PSPH: variants seen among roughly 807,000 people sequenced by gnomAD.
The protein encoded by PSPH is phosphoserine phosphatase, also known as L-3-phosphoserine phosphatase.
A neutral mutation model predicts 23.4 loss-of-function variants in PSPH; 16 were observed. The observed-to-expected ratio is 0.68, with a 90% CI of 0.46 to 1.04. The LOEUF is 1.04. Ranked by LOEUF, PSPH falls within the 50% of genes least tolerant of loss-of-function variation. PSPH has a pLI of 0.00. For synonymous variants in PSPH, 68 were observed against 99.7 expected, an observed-to-expected ratio of 0.68 and a Z score of 1.89; for missense variants, 223 against 273.7, an observed-to-expected ratio of 0.81 and a Z score of 1.31.
At chr7:56,023,840 G>C (rs975040706) in intron 3 of PSPH, among the ~76,000 whole-genome samples, 9 of 152,122 alleles carry the variant, frequency 5.9e-5, no homozygotes, top group Non-Finnish European at 2.9e-5. Context: ...GCAAACTATA[G>C]CTTGTAGGCC....
chr7:56,019,944 A>G (rs534581802), intron 4 of PSPH: 6 of 671,296 alleles, frequency 8.9e-6, no homozygotes, highest in Non-Finnish European at 1.6e-5. Flanking sequence ...GGCTGGGTGC[A>G]GTGACTCATG....
chr7:56,037,398 T>C (rs1196102458), intron 1 of PSPH, among the ~76,000 whole-genome samples: 1 of 151,750 alleles, frequency 6.6e-6, no homozygotes, highest in South Asian at 2.1e-4. Context: ...GTCATACTAC[T>C]GTTCCGGAAA....
chr7:56,030,301 G>A (rs1790787366), intron 3 of PSPH, among the ~76,000 whole-genome samples: 2 of 151,842 alleles, frequency 1.3e-5, no homozygotes, highest in Admixed American at 1.3e-4. Context: ...GTGGAGATGG[G>A]GTTTCACCAT....
At chr7:56,013,156 TACACACACACACACACAC>T (rs34329610) in intron 7 of PSPH, among the ~76,000 whole-genome samples, 1 of 142,098 alleles carries the variant, frequency 7.0e-6, no homozygotes, top group Non-Finnish European at 1.5e-5. Flanking sequence ...TGTATGTGTA[TACACACACACACACACAC>T]ACACACACAC....
intron 1 of PSPH, among the ~76,000 whole-genome samples, chr7:56,048,076 C>T (rs570596704): frequency 8.3e-4 from 126 of 152,120 alleles, no homozygotes; most frequent in African/African-American, 2.9e-3. Flanking sequence ...GTCAGGAGTT[C>T]AAAACCAGCC....
chr7:56,030,156 C>A (rs1790770649), intron 3 of PSPH, among the ~76,000 whole-genome samples: 1 of 151,964 alleles, frequency 6.6e-6, no homozygotes, highest in East Asian at 1.9e-4. Context: ...GTCACTCAGG[C>A]CGGAGTGCAG....
At chr7:56,020,264 C>A (rs796701789) in intron 4 of PSPH, among the ~76,000 whole-genome samples, 313 of 100,332 alleles carry the variant, frequency 3.1e-3, no homozygotes, top group African/African-American at 0.018. Context: ...ATTTTTCTTG[C>A]AAGCTGTGAG....
chr7:56,021,402 ACCAGTTT>A (rs1420638672), intron 3 of PSPH, among the ~76,000 whole-genome samples, 171 bp from the exon 4 acceptor site: 1 of 94,822 alleles, frequency 1.1e-5, no homozygotes, highest in African/African-American at 7.3e-5. Context: ...CCCACACTAC[ACCAGTTT>A]CTTCTTTCTT....
intron 3 of PSPH, among the ~76,000 whole-genome samples, chr7:56,030,385 C>G (rs1310464770): frequency 6.6e-6 from 1 of 151,842 alleles, no homozygotes; most frequent in East Asian, 1.9e-4. Context: ...GCTGGGAGCT[C>G]ACCTCGGCCT....
chr7:56,031,080 G>A (rs559078729), intron 3 of PSPH, among the ~76,000 whole-genome samples: 376 of 151,264 alleles, frequency 2.5e-3, no homozygotes, highest in African/African-American at 8.7e-3. Context: ...GCGCGGTGGC[G>A]GGCGCCTGTA....
chr7:56,034,856 A>T (rs1325508221), intron 1 of PSPH, among the ~76,000 whole-genome samples: 1 of 151,962 alleles, frequency 6.6e-6, no homozygotes, highest in African/African-American at 2.4e-5. Context: ...ACCATGAGTA[A>T]CAAAATGAGA....
At chr7:56,011,964 G>A in intron 7 of PSPH, 95 bp from the exon 8 acceptor site, 3 of 980,512 alleles carry the variant, frequency 3.1e-6, no homozygotes, top group Non-Finnish European at 4.6e-6. Context: ...GGAGTGCAGT[G>A]ACACAATCTC....
rs375443503 is a variant in PSPH, at chr7:56,023,992, T to C, written c.-19-2761A>G. On this transcript the variant is annotated intron_variant, in intron 3 of 7. Transcript: ENST00000275605. Reference sequence around the variant, plus strand: ...CCCAGGCTGGAGTGCAGTGGCGCGATCTCCGCTCACTGCAAGCTCCACCTC... The same window carrying C: ...CCCAGGCTGGAGTGCAGTGGCGCGACCTCCGCTCACTGCAAGCTCCACCTC... 4.1e-4 allele frequency among the ~76,000 whole-genome samples: 62 copies of C among 152,050 alleles called. 2 individuals are homozygous for C. The South Asian group carries it at 0.013, about 31-fold the overall frequency.
chr7:56,033,752 C>T (rs1791353489), intron 2 of PSPH, among the ~76,000 whole-genome samples: 1 of 152,148 alleles, frequency 6.6e-6, no homozygotes, highest in African/African-American at 2.4e-5. Flanking sequence ...TTCATTCATG[C>T]TGTTTGGCAA....
At chr7:56,025,662 C>T (rs928607210) in intron 3 of PSPH, among the ~76,000 whole-genome samples, 2 of 151,978 alleles carry the variant, frequency 1.3e-5, no homozygotes, top group South Asian at 2.1e-4. Flanking sequence ...GGTGCAATCT[C>T]GACTCACTGC....
chr7:56,014,686 G>A (rs531667002), intron 7 of PSPH, among the ~76,000 whole-genome samples: 2 of 152,258 alleles, frequency 1.3e-5, no homozygotes, highest in South Asian at 2.1e-4. Context: ...GCTCATGCCT[G>A]TAATCCCAGC....
At chr7:56,049,559 C>T (rs1793717468) in intron 1 of PSPH, among the ~76,000 whole-genome samples, 1 of 151,984 alleles carries the variant, frequency 6.6e-6, no homozygotes, top group African/African-American at 2.4e-5. Flanking sequence ...CCGCCTCAGC[C>T]TCCCGAGGAA....
chr7:56,021,820 G>A (rs764249906), intron 3 of PSPH, among the ~76,000 whole-genome samples: 5 of 151,630 alleles, frequency 3.3e-5, no homozygotes, highest in Non-Finnish European at 7.4e-5. Context: ...CGTGGTGGCA[G>A]GCGCCTGTAG....
chr7:56,034,429 A>T (rs1463231392), intron 1 of PSPH, among the ~76,000 whole-genome samples: 1 of 152,204 alleles, frequency 6.6e-6, no homozygotes, highest in Non-Finnish European at 1.5e-5. Flanking sequence ...AATTAGTGAA[A>T]TCTCCGTCGG....
Sources: gnomAD v4.1 joint callset for allele counts (sites outside exome capture counted in the v4.1 genomes callset) on GRCh38, gnomAD v4.1.1 for gene constraint, MANE v1.5 for transcripts, NCBI Gene and HGNC (gene_info 2026-07-23, HGNC 2026-07-21) for gene names.